GRM3: variants seen among roughly 807,000 people sequenced by gnomAD.
The protein encoded by GRM3 is glutamate metabotropic receptor 3.
Under a neutral mutation model 70.5 loss-of-function variants are expected in GRM3, and 26 were observed. That is an observed-to-expected ratio of 0.37 (90% CI 0.27 to 0.51). The LOEUF (loss-of-function observed/expected upper bound fraction) is 0.51. Among genes scored for constraint, GRM3 ranks in the 20% least tolerant of loss-of-function variants. GRM3 has a pLI of 0.93. For synonymous variants in GRM3, 443 were observed against 434.9 expected, an observed-to-expected ratio of 1.02 and a Z score of -0.23; for missense variants, 859 against 1,123.8, an observed-to-expected ratio of 0.76 and a Z score of 3.37.
intron 1 of GRM3, among the ~76,000 whole-genome samples, chr7:86,670,291 T>A (rs1430496862): frequency 1.3e-5 from 2 of 152,214 alleles, no homozygotes; most frequent in African/African-American, 4.8e-5. Flanking sequence ...GAACTCAAGA[T>A]AAACTCAGTC....
At chr7:86,729,629 A>AT (rs1340224476) in intron 1 of GRM3, among the ~76,000 whole-genome samples, 2 of 152,220 alleles carry the variant, frequency 1.3e-5, no homozygotes, top group Non-Finnish European at 1.5e-5. Flanking sequence ...CGCATATGAA[A>AT]TTATGTATGT....
At chr7:86,741,493 G>C (rs779095158) in intron 1 of GRM3, among the ~76,000 whole-genome samples, 7 of 152,154 alleles carry the variant, frequency 4.6e-5, no homozygotes, top group Non-Finnish European at 8.8e-5. Context: ...AATATTTATA[G>C]TCAACTATAT....
intron 4 of GRM3, among the ~76,000 whole-genome samples, chr7:86,850,058 C>T (rs2115562980): frequency 6.6e-6 from 1 of 152,262 alleles, no homozygotes; most frequent in East Asian, 1.9e-4. Flanking sequence ...TAAGATTCCA[C>T]CTTCTGTGGC....
chr7:86,839,270 C>G lies in GRM3; in HGVS notation c.1756C>G (p.Leu586Val). ...WAIGPVTIAC[L>V]GFMCTCMVVT... ...CATTGGCCCAGTCACCATTGCCTGT[C>G]TGGGTTTTATGTGTACATGCATGGT... Residue 586 changes from leucine (L) to valine (V), a missense_variant, in exon 4 of 6, where the codon CTG (leucine) becomes GTG (valine). Physicochemically the swap from Leu to Val is conservative, Grantham distance 32. Coordinates refer to ENST00000361669, the MANE Select transcript of GRM3 (RefSeq NM_000840.3). This position sits in a 1 kb window ranked among gnomAD's most constrained non-coding sequence, Gnocchi z 4.5. 6.2e-7 allele frequency: 1 copy of G among 1,613,850 alleles called. No homozygotes were observed. Among genetic ancestry groups the G allele is most frequent in the Non-Finnish European group, 8.5e-7 (1 of 1,179,730 alleles).
chr7:86,786,505 A>G lies in GRM3; in HGVS notation c.713A>G (p.Asn238Ser). 6.2e-7 allele frequency: 1 copy of G among 1,614,204 alleles called. No individual in the cohort carries two copies. Among genetic ancestry groups the G allele is most frequent in the Non-Finnish European group, 8.5e-7 (1 of 1,180,044 alleles). Residue 238 changes from asparagine to serine, a missense_variant, in exon 3 of 6, where the codon AAC becomes AGC. Physicochemically the swap from Asn to Ser is conservative, Grantham distance 46. Transcript: ENST00000361669. This position sits in a 1 kb window ranked among gnomAD's most constrained non-coding sequence, Gnocchi z 6.0. The part of the protein sequence containing the change: ...EAFEQEARLR[N>S]ICIATAEKVG... Reference sequence around the variant, plus strand: ...TTCGAGCAGGAAGCCCGCCTGCGCAACATCTGCATCGCTACGGCGGAGAAG... The same window carrying G: ...TTCGAGCAGGAAGCCCGCCTGCGCAGCATCTGCATCGCTACGGCGGAGAAG...
chr7:86,678,371 A>AT (rs1794357503), intron 1 of GRM3, among the ~76,000 whole-genome samples: 12 of 152,090 alleles, frequency 7.9e-5, no homozygotes, highest in Admixed American at 7.9e-4. Context: ...TTAAAGTTAT[A>AT]TTTAAAACAA....
intron 5 of GRM3, among the ~76,000 whole-genome samples, chr7:86,853,181 G>GA (rs940705668): frequency 2.0e-5 from 3 of 151,870 alleles, no homozygotes; most frequent in Non-Finnish European, 2.9e-5. Context: ...CTTTTTAAAA[G>GA]AAAAAAACAG....
intron 1 of GRM3, among the ~76,000 whole-genome samples, chr7:86,696,936 C>T (rs993230785): frequency 6.6e-6 from 1 of 152,110 alleles, no homozygotes; most frequent in Non-Finnish European, 1.5e-5. Context: ...CTCTCTTGAC[C>T]CTATCTCCCA....
intron 1 of GRM3, among the ~76,000 whole-genome samples, chr7:86,646,013 GGGTGGGAGGGA>G (rs1455993209): frequency 2.0e-3 from 142 of 69,938 alleles, no homozygotes; most frequent in African/African-American, 3.5e-3. Flanking sequence ...GGGTGGGGGG[GGGTGGGAGGGA>G]GTTTAGGGGG....
chr7:86,701,409 G>T (rs891583536), intron 1 of GRM3, among the ~76,000 whole-genome samples: 17 of 151,662 alleles, frequency 1.1e-4, no homozygotes, highest in African/African-American at 3.9e-4. Flanking sequence ...AATTCCTACT[G>T]GCAGAGATAT....
intron 1 of GRM3, among the ~76,000 whole-genome samples, chr7:86,657,185 G>A (rs1793767847): frequency 6.6e-6 from 1 of 152,144 alleles, no homozygotes; most frequent in South Asian, 2.1e-4. Context: ...TCTTTAATGA[G>A]CATCTGCTAC....
intron 4 of GRM3, among the ~76,000 whole-genome samples, chr7:86,845,082 G>T (rs1798630650): frequency 6.6e-6 from 1 of 152,010 alleles, no homozygotes; most frequent in Non-Finnish European, 1.5e-5. Context: ...TAGAGACAAG[G>T]TTTCACCATG....
chr7:86,645,565 G>A (rs1793440791), intron 1 of GRM3, among the ~76,000 whole-genome samples: 1 of 152,134 alleles, frequency 6.6e-6, no homozygotes, highest in Non-Finnish European at 1.5e-5. Context: ...TAGACTAGGT[G>A]ATATATCCAA....
chr7:86,665,904 T>C (rs988053688), intron 1 of GRM3, among the ~76,000 whole-genome samples: 13 of 152,042 alleles, frequency 8.6e-5, no homozygotes, highest in African/African-American at 3.1e-4. Flanking sequence ...TTAGGCAAAA[T>C]CTTAGGAAGA....
intron 5 of GRM3, among the ~76,000 whole-genome samples, chr7:86,854,452 A>G (rs1798811249): frequency 6.6e-6 from 1 of 152,222 alleles, no homozygotes. Context: ...TGGAAAACTG[A>G]AAAGTTTTAC....
At chr7:86,807,090 A>G (rs371181863) in intron 3 of GRM3, among the ~76,000 whole-genome samples, 1 of 65,214 alleles carries the variant, frequency 1.5e-5, no homozygotes, top group South Asian at 3.4e-4. Flanking sequence ...GTTCTGTTCT[A>G]TTCCATTGGT....
intron 2 of GRM3, among the ~76,000 whole-genome samples, chr7:86,778,592 T>C (rs1796958484): frequency 6.6e-6 from 1 of 152,162 alleles, no homozygotes; most frequent in Non-Finnish European, 1.5e-5. Context: ...CAGTTCACAT[T>C]CTCTTTTTTC....
At chr7:86,707,684 C>T (rs1055532926) in intron 1 of GRM3, among the ~76,000 whole-genome samples, 3 of 151,992 alleles carry the variant, frequency 2.0e-5, no homozygotes, top group African/African-American at 7.2e-5. Context: ...ATTATTATTA[C>T]ATAAAATGGT....
At chr7:86,667,501 C>G (rs1794056749) in intron 1 of GRM3, among the ~76,000 whole-genome samples, 1 of 152,074 alleles carries the variant, frequency 6.6e-6, no homozygotes, top group Non-Finnish European at 1.5e-5. Context: ...CATATTATCT[C>G]TCTATGTGAC....
Sources: allele counts gnomAD v4.1 joint callset (sites outside exome capture counted in the v4.1 genomes callset), GRCh38; gene constraint gnomAD v4.1.1; non-coding constraint Gnocchi (gnomAD v3.1); transcripts MANE v1.5; gene names NCBI Gene and HGNC (gene_info 2026-07-23, HGNC 2026-07-21).